FAM135A: variants seen among roughly 807,000 people sequenced by gnomAD.
FAM135A encodes family with sequence similarity 135 member A, also known as protein FAM135A.
FAM135A carries 79 observed loss-of-function variants against 146.8 expected under a neutral mutation model. The observed-to-expected ratio is 0.54, with a 90% confidence interval of 0.45 to 0.65. The LOEUF (loss-of-function observed/expected upper bound fraction) is 0.65. FAM135A is among the 30% of genes least tolerant of loss of function. The pLI is 0.00. For missense variants in FAM135A, 1,623 were observed against 1,758.2 expected (o/e 0.92, Z 1.38); for synonymous variants, 562 against 603.6 (o/e 0.93, Z 1.01).
chr6:70,479,232 T>C (rs544056367), intron 8 of FAM135A, among the ~76,000 whole-genome samples: 1 of 152,304 alleles, frequency 6.6e-6, no homozygotes, highest in East Asian at 1.9e-4. Flanking sequence ...AGAGTAGATA[T>C]TCACATCACC....
chr6:70,450,923 A>G (rs1375744883), intron 4 of FAM135A, among the ~76,000 whole-genome samples: 1 of 150,878 alleles, frequency 6.6e-6, no homozygotes, highest in Non-Finnish European at 1.5e-5. Flanking sequence ...TTGTCTTTTT[A>G]GTAGAGATGG....
chr6:70,547,150 T>C (rs1468271559), intron 20 of FAM135A, among the ~76,000 whole-genome samples: 1 of 152,136 alleles, frequency 6.6e-6, no homozygotes, highest in Non-Finnish European at 1.5e-5. Context: ...AAATAAAGTA[T>C]AGAAATTAAA....
At chr6:70,428,885 G>A (rs1037171794) in intron 4 of FAM135A, among the ~76,000 whole-genome samples, 1 of 152,066 alleles carries the variant, frequency 6.6e-6, no homozygotes, top group Non-Finnish European at 1.5e-5. Context: ...ACCCACTGTT[G>A]GGTATTTCAT....
chr6:70,557,648 C>G (rs1367593918), intron 21 of FAM135A: 1 of 127,268 alleles, frequency 7.9e-6, no homozygotes, highest in East Asian at 2.4e-4. Flanking sequence ...GAGCCAAGAT[C>G]ATGCTGTTGC....
At chr6:70,437,994 G>A (rs1007849503) in intron 4 of FAM135A, among the ~76,000 whole-genome samples, 2 of 151,740 alleles carry the variant, frequency 1.3e-5, no homozygotes, top group Admixed American at 1.3e-4. Context: ...TCATTTTTTC[G>A]AGAAACTTTT....
rs767273411 is a variant in FAM135A, at chr6:70,536,422, T to G, written c.4117+11T>G. 1.3e-6 allele frequency: 2 copies of G among 1,571,618 alleles called. No individual in the cohort carries two copies. Among genetic ancestry groups the G allele is most frequent in the Admixed American group, 1.9e-5 (1 of 51,550 alleles). On this transcript the variant is annotated intron_variant, in intron 19 of 21. Coordinates refer to ENST00000418814, the MANE Select transcript of FAM135A (RefSeq NM_001162529.3). ...CTCTTGTTAATACAGGTAAAAAGTTTTATTGTTCTGTATTAAAAATATGGA... is the reference window on the plus strand; with the variant it reads ...CTCTTGTTAATACAGGTAAAAAGTTGTATTGTTCTGTATTAAAAATATGGA...
Position 70,496,040 on chromosome 6 carries a change from A to G in FAM135A, c.873+4957A>G, listed in dbSNP as rs948162814. 2.6e-5 allele frequency among the ~76,000 whole-genome samples: 4 copies of G among 152,050 alleles called. No homozygotes were observed. In the East Asian group the frequency reaches 7.7e-4, roughly 29 times the overall value. On this transcript the variant is annotated intron_variant, in intron 11 of 21. Coordinates refer to ENST00000418814, the MANE Select transcript of FAM135A (RefSeq NM_001162529.3). The stretch of plus-strand genomic sequence containing the variant: ...ATTTTCTTTACCTAGTCTATTGTTG[A>G]TGGGCATTTGGGTTGGTTCCAAGTC...
chr6:70,508,266 T>C (rs2066857498), intron 12 of FAM135A, among the ~76,000 whole-genome samples: 1 of 152,196 alleles, frequency 6.6e-6, no homozygotes, highest in South Asian at 2.1e-4. Context: ...CTTGAAAAGA[T>C]AGTCTGTAAC....
chr6:70,529,784 C>T (rs1046585307), intron 16 of FAM135A, among the ~76,000 whole-genome samples: 3 of 152,022 alleles, frequency 2.0e-5, no homozygotes, highest in Non-Finnish European at 4.4e-5. Flanking sequence ...CTTAATGGGC[C>T]GGGCGCTGTG....
intron 20 of FAM135A, among the ~76,000 whole-genome samples, chr6:70,540,766 A>C (rs1562010123): frequency 6.6e-6 from 1 of 152,072 alleles, no homozygotes; most frequent in Non-Finnish European, 1.5e-5. Context: ...GCAAATCTAT[A>C]TTACTGTTTT....
intron 2 of FAM135A, among the ~76,000 whole-genome samples, chr6:70,419,825 GC>G (rs1279347648): frequency 6.6e-6 from 1 of 152,098 alleles, no homozygotes; most frequent in African/African-American, 2.4e-5. Flanking sequence ...GTACAATATG[GC>G]CCCTGAATCC....
At chr6:70,523,470 T>G (rs1794035651) in intron 13 of FAM135A, among the ~76,000 whole-genome samples, 1 of 152,188 alleles carries the variant, frequency 6.6e-6, no homozygotes, top group Non-Finnish European at 1.5e-5. Context: ...TAAGACAGGG[T>G]TTTCTGTTTT....
intron 20 of FAM135A, among the ~76,000 whole-genome samples, chr6:70,544,348 G>A (rs1400684366): frequency 5.9e-5 from 9 of 151,952 alleles, no homozygotes; most frequent in Admixed American, 2.6e-4. Flanking sequence ...AGACCATCCT[G>A]ACCAACCCCA....
chr6:70,416,919 C>T (rs1179441566), intron 2 of FAM135A, among the ~76,000 whole-genome samples: 10 of 152,094 alleles, frequency 6.6e-5, no homozygotes, highest in Non-Finnish European at 1.3e-4. Context: ...ACAGTAGGTT[C>T]ACATTTTATT....
chr6:70,466,138 AT>A (rs1318565519), intron 5 of FAM135A, among the ~76,000 whole-genome samples: 1 of 152,214 alleles, frequency 6.6e-6, no homozygotes, highest in Non-Finnish European at 1.5e-5. Flanking sequence ...CAAAGCAGCT[AT>A]ATAGTGAATG....
chr6:70,443,850 C>T (rs1057504118), intron 4 of FAM135A, among the ~76,000 whole-genome samples: 5 of 152,062 alleles, frequency 3.3e-5, no homozygotes, highest in African/African-American at 1.2e-4. Context: ...AGAACAAAAG[C>T]AGCTTAATTG....
At position 70,558,243 on chromosome 6, in the gene FAM135A, C is replaced by A. The variant is rs148418165; in HGVS notation, c.4342+1380C>A. Among the ~76,000 whole-genome samples the A allele has an allele frequency of 3.0e-3, 460 of 152,262 alleles. 1 individual carries two copies. The highest frequency in any genetic ancestry group is 1.0e-2 in the African/African-American group (414 of 41,578). Reference sequence around the variant, plus strand: ...GTCAGTCTTTCTCTTAAACACCTCTCTTTTCTATATCTGATTGTACTTCTG... The same window carrying A: ...GTCAGTCTTTCTCTTAAACACCTCTATTTTCTATATCTGATTGTACTTCTG... On this transcript the variant is annotated intron_variant, in intron 21 of 21. Transcript: ENST00000418814.
intron 10 of FAM135A, among the ~76,000 whole-genome samples, chr6:70,488,121 G>A (rs1273173327): frequency 2.0e-5 from 3 of 152,096 alleles, no homozygotes; most frequent in African/African-American, 7.2e-5. Flanking sequence ...AGTATGTAAA[G>A]ATACAGGTAC....
intron 12 of FAM135A, among the ~76,000 whole-genome samples, chr6:70,516,522 TTTC>T (rs1275122372): frequency 6.8e-6 from 1 of 148,022 alleles, no homozygotes; most frequent in Non-Finnish European, 1.5e-5. Context: ...AAAATAGTAT[TTTC>T]TTTTCTTTTT....
Sources: gnomAD v4.1 joint callset for allele counts (sites outside exome capture counted in the v4.1 genomes callset) on GRCh38, gnomAD v4.1.1 for gene constraint, MANE v1.5 for transcripts, NCBI Gene and HGNC (gene_info 2026-07-23, HGNC 2026-07-21) for gene names.